PTPRG: variants seen among roughly 807,000 people sequenced by gnomAD.
PTPRG encodes protein tyrosine phosphatase receptor type G.
A neutral mutation model predicts 165.3 loss-of-function variants in PTPRG; 102 were observed. The ratio of observed to expected loss-of-function variants is 0.62; its 90% confidence interval spans 0.53 to 0.73. The LOEUF (loss-of-function observed/expected upper bound fraction) is 0.73. Among genes scored for constraint, PTPRG ranks in the 30% least tolerant of loss-of-function variants. The pLI, the probability that PTPRG is intolerant of heterozygous loss-of-function variation, is 0.00. For missense variants in PTPRG, 1,866 were observed against 1,861.4 expected, an observed-to-expected ratio of 1.00 and a Z score of -0.05; for synonymous variants, 675 against 669.5, an observed-to-expected ratio of 1.01 and a Z score of -0.13.
intron 2 of PTPRG, among the ~76,000 whole-genome samples, chr3:61,851,440 C>T (rs1237122953): frequency 1.3e-5 from 2 of 151,880 alleles, no homozygotes; most frequent in Admixed American, 6.6e-5. Flanking sequence ...AATACAGATG[C>T]TTGGTGGCCA....
At chr3:61,637,399 T>C (rs1701941894) in intron 1 of PTPRG, among the ~76,000 whole-genome samples, 1 of 152,138 alleles carries the variant, frequency 6.6e-6, no homozygotes. Context: ...CCTCATAAGG[T>C]TTTTGAGAGG....
At chr3:61,659,288 A>G (rs1486179918) in intron 1 of PTPRG, 1 of 984,712 alleles carries the variant, frequency 1.0e-6, no homozygotes. Context: ...TCTTTCATCG[A>G]CAAAGGCACT....
chr3:61,706,814 A>G (rs1189533968), intron 1 of PTPRG, among the ~76,000 whole-genome samples: 1 of 151,912 alleles, frequency 6.6e-6, no homozygotes, highest in Non-Finnish European at 1.5e-5. Flanking sequence ...TATTATTTTT[A>G]ACTAGAAAGC....
At chr3:62,281,460 G>C in intron 26 of PTPRG, 103 bp from the exon 27 acceptor site, 1 of 1,033,462 alleles carries the variant, frequency 9.7e-7, no homozygotes, top group Non-Finnish European at 1.4e-6. Context: ...CAGTTTAAAC[G>C]ATGGCTTGAG....
At chr3:61,608,867 C>T (rs1447865632) in intron 1 of PTPRG, among the ~76,000 whole-genome samples, 1 of 152,142 alleles carries the variant, frequency 6.6e-6, no homozygotes, top group Non-Finnish European at 1.5e-5. Flanking sequence ...ACGCTGAGCC[C>T]TTGCTATTGT....
chr3:61,886,502 A>T (rs1424649480), intron 2 of PTPRG, among the ~76,000 whole-genome samples: 2 of 152,128 alleles, frequency 1.3e-5, no homozygotes, highest in African/African-American at 4.8e-5. Context: ...GTGTTGAAGG[A>T]TATTGATGTC....
chr3:62,020,845 G>GTTTT (rs66464110), intron 4 of PTPRG, among the ~76,000 whole-genome samples: 32 of 145,610 alleles, frequency 2.2e-4, no homozygotes, highest in South Asian at 4.3e-4. Flanking sequence ...GGTTTTTTTT[G>GTTTT]TTTTTTTTTT....
chr3:62,087,031 C>A (rs541980029), intron 5 of PTPRG, among the ~76,000 whole-genome samples: 3 of 152,158 alleles, frequency 2.0e-5, no homozygotes, highest in African/African-American at 7.2e-5. Flanking sequence ...ACTTCAAGGA[C>A]GTTACCAAGT....
chr3:61,826,270 A>G (rs1345512019), intron 2 of PTPRG, among the ~76,000 whole-genome samples: 4 of 152,212 alleles, frequency 2.6e-5, no homozygotes, highest in South Asian at 2.1e-4. Context: ...TCTTTCCCCT[A>G]CGGTGAGTAG....
intron 1 of PTPRG, among the ~76,000 whole-genome samples, chr3:61,704,425 C>T (rs1235167663): frequency 6.6e-6 from 1 of 152,078 alleles, no homozygotes; most frequent in Non-Finnish European, 1.5e-5. Context: ...GATTCTTCAC[C>T]TTTTCTTGGT....
At chr3:62,277,851 T>A (rs960180042) in intron 26 of PTPRG, among the ~76,000 whole-genome samples, 172 bp downstream of exon 26, 2 of 152,132 alleles carry the variant, frequency 1.3e-5, no homozygotes, top group African/African-American at 4.8e-5. Flanking sequence ...CTCACAATAC[T>A]GTCCCTATCA....
chr3:62,238,968 C>T (rs1251488627), intron 14 of PTPRG, among the ~76,000 whole-genome samples: 1 of 152,122 alleles, frequency 6.6e-6, no homozygotes, highest in African/African-American at 2.4e-5. Flanking sequence ...TACCTGGCCT[C>T]AGTTTCTTAA....
At chr3:61,991,067 G>T (rs2040876224) in intron 3 of PTPRG, among the ~76,000 whole-genome samples, 1 of 152,068 alleles carries the variant, frequency 6.6e-6, no homozygotes, top group Non-Finnish European at 1.5e-5. Flanking sequence ...AGTGATTCCT[G>T]GCTTTGGGCC....
chr3:61,908,703 CATA>C (rs2038721113), intron 2 of PTPRG, among the ~76,000 whole-genome samples: 1 of 152,098 alleles, frequency 6.6e-6, no homozygotes, highest in Non-Finnish European at 1.5e-5. Context: ...CTTAAGGAGA[CATA>C]ATGAGAATCT....
intron 8 of PTPRG, among the ~76,000 whole-genome samples, chr3:62,179,204 A>G (rs1283948923): frequency 6.6e-6 from 1 of 151,978 alleles, no homozygotes; most frequent in Non-Finnish European, 1.5e-5. Context: ...TCAAAGAACA[A>G]CTGTTAAGAC....
chr3:61,776,975 T>G (rs1207295304), intron 2 of PTPRG, among the ~76,000 whole-genome samples: 1 of 152,136 alleles, frequency 6.6e-6, no homozygotes, highest in East Asian at 1.9e-4. Flanking sequence ...TGCATACTGG[T>G]TTGTGAAATT....
intron 11 of PTPRG, among the ~76,000 whole-genome samples, chr3:62,202,880 GT>G (rs972132838): frequency 2.6e-5 from 4 of 152,168 alleles, no homozygotes; most frequent in African/African-American, 9.7e-5. Flanking sequence ...ACACTACTTA[GT>G]TTTTTTGGCA....
In PTPRG at chr3:61,855,821, G is replaced by T. The variant is rs905336610; in HGVS notation, c.190+106839G>T. ...GAGGTAGTTGGAATGCTGTCTTGCT[G>T]GGGGGCTCTGGGACCTTGGAGGTTG... On this transcript the variant is annotated intron_variant, in intron 2 of 29. Coordinates refer to ENST00000474889, the MANE Select transcript of PTPRG (RefSeq NM_002841.4). Among the ~76,000 whole-genome samples the T allele has an allele frequency of 7.9e-5, 12 of 152,056 alleles. No individual in the cohort carries two copies. In the South Asian group the frequency reaches 8.3e-4, roughly 11 times the overall value.
intron 5 of PTPRG, among the ~76,000 whole-genome samples, chr3:62,095,046 G>C (rs571714025): frequency 1.3e-5 from 2 of 152,154 alleles, no homozygotes; most frequent in Non-Finnish European, 2.9e-5. Context: ...ATGAAATGTC[G>C]CACAGGGTTT....
Sources: gnomAD v4.1 joint callset for allele counts (sites outside exome capture counted in the v4.1 genomes callset) on GRCh38, gnomAD v4.1.1 for gene constraint, MANE v1.5 for transcripts, NCBI Gene and HGNC (gene_info 2026-07-23, HGNC 2026-07-21) for gene names.